AGTR1: variants seen among roughly 807,000 people sequenced by gnomAD.
AGTR1 encodes the protein type-1 angiotensin II receptor.
A neutral mutation model predicts 19.4 loss-of-function variants in AGTR1; 16 were observed. That is an observed-to-expected ratio of 0.82 (90% CI 0.56 to 1.25). AGTR1 has a LOEUF of 1.25. Among genes scored for constraint, AGTR1 ranks in the 50% most tolerant of loss-of-function variants. AGTR1 has a pLI of 0.00. For synonymous variants in AGTR1, 153 were observed against 154.9 expected, an observed-to-expected ratio of 0.99 and a Z score of 0.09; for missense variants, 373 against 431.9, an observed-to-expected ratio of 0.86 and a Z score of 1.21.
chr3:148,711,308 C>CAAAAAATT lies in AGTR1; in HGVS notation c.-48+3287_-48+3294dup. ...ACTAATGATCATGTGTTATATAAGG[C>CAAAAAATT]AAAAAATTAAAAACAAATTTGTCTT... On this transcript the variant is annotated intron_variant, in intron 2 of 2. Coordinates refer to ENST00000349243, the MANE Select transcript of AGTR1 (RefSeq NM_000685.5). Among the ~76,000 whole-genome samples the CAAAAAATT allele has an allele frequency of 2.0e-5, 3 of 151,984 alleles. No homozygotes were observed. The East Asian group carries it at 5.8e-4, about 29-fold the overall frequency.
intron 2 of AGTR1, among the ~76,000 whole-genome samples, chr3:148,720,980 G>C (rs1169597010): frequency 6.6e-6 from 1 of 152,194 alleles, no homozygotes; most frequent in African/African-American, 2.4e-5. Flanking sequence ...TGTTGGTGGT[G>C]CTATAATCCT....
At chr3:148,709,319 G>C (rs1162520770) in intron 2 of AGTR1, among the ~76,000 whole-genome samples, 1 of 152,024 alleles carries the variant, frequency 6.6e-6, no homozygotes, top group Non-Finnish European at 1.5e-5. Context: ...CCCACTAGCA[G>C]GAAAAGCAGG....
intron 2 of AGTR1, among the ~76,000 whole-genome samples, chr3:148,727,457 G>A (rs1714015718): frequency 6.6e-6 from 1 of 152,150 alleles, no homozygotes; most frequent in Admixed American, 6.5e-5. Flanking sequence ...CCACAAGAGG[G>A]CAGGGTTTGA....
intron 1 of AGTR1, among the ~76,000 whole-genome samples, chr3:148,705,633 A>G (rs1712625210): frequency 6.6e-6 from 1 of 152,106 alleles, no homozygotes; most frequent in South Asian, 2.1e-4. Flanking sequence ...ACACACAGTT[A>G]TTCCTATTCC....
chr3:148,705,449 A>C (rs1200628665), intron 1 of AGTR1, among the ~76,000 whole-genome samples: 1 of 149,690 alleles, frequency 6.7e-6, no homozygotes, highest in Non-Finnish European at 1.5e-5. Context: ...CTCCCATTCA[A>C]ATGATGTCAC....
intron 2 of AGTR1, chr3:148,740,098 T>C: frequency 1.2e-6 from 1 of 844,260 alleles, no homozygotes; most frequent in Non-Finnish European, 1.6e-6. Context: ...GAGCAAATAT[T>C]TGCATGGCTT....
intron 2 of AGTR1, among the ~76,000 whole-genome samples, chr3:148,723,204 A>C (rs938050113): frequency 1.3e-5 from 2 of 152,200 alleles, no homozygotes; most frequent in Non-Finnish European, 2.9e-5. Context: ...TCTGCAGTGA[A>C]TGTATTTAGG....
chr3:148,723,775 G>T (rs1244959649), intron 2 of AGTR1, among the ~76,000 whole-genome samples: 5 of 152,172 alleles, frequency 3.3e-5, no homozygotes, highest in Non-Finnish European at 7.3e-5. Flanking sequence ...GACTCATCCT[G>T]TCACATCTCT....
chr3:148,738,523 A>G (rs564310398), intron 2 of AGTR1, among the ~76,000 whole-genome samples: 3 of 152,196 alleles, frequency 2.0e-5, no homozygotes, highest in Non-Finnish European at 4.4e-5. Context: ...AAATGAATTT[A>G]TACTTCTAAG....
chr3:148,730,291 A>C (rs1714177115), intron 2 of AGTR1: 1 of 397,800 alleles, frequency 2.5e-6, no homozygotes, highest in Admixed American at 4.4e-5. Flanking sequence ...TGCTCTTCCC[A>C]CTGTCTTAAC....
rs12695923 is a variant in AGTR1, at chr3:148,740,123, T to C, written c.-47-866T>C. On this transcript the variant is annotated intron_variant, in intron 2 of 2. Transcript: ENST00000349243. ...TTGCATGGCTTTGTGCAGCCCATTC[T>C]TGAGCATCTGATTCTCCCCAGAATT... 0.079 allele frequency among the ~76,000 whole-genome samples: 11,966 copies of C among 152,288 alleles called. 1,600 individuals carry two copies. The highest frequency in any genetic ancestry group is 0.27 in the African/African-American group (11,376 of 41,508).
chr3:148,726,639 G>A (rs914573473), intron 2 of AGTR1, among the ~76,000 whole-genome samples: 16 of 152,052 alleles, frequency 1.1e-4, no homozygotes, highest in Admixed American at 3.3e-4. Context: ...GAGTGTTTCC[G>A]TCCGTTTTTT....
chr3:148,719,536 G>A (rs1351850711), intron 2 of AGTR1, among the ~76,000 whole-genome samples: 1 of 152,126 alleles, frequency 6.6e-6, no homozygotes, highest in Non-Finnish European at 1.5e-5. Flanking sequence ...GTACTCCAGA[G>A]GCTCCCCATG....
rs758763207 is a variant in AGTR1, at chr3:148,741,897, A to G, written c.862A>G (p.Ile288Val). 2 of 1,614,130 alleles carry G rather than the reference A, an allele frequency of 1.2e-6. No individual in the cohort carries two copies. The highest frequency in any genetic ancestry group is 2.2e-5 in the East Asian group (1 of 44,882). The change falls in exon 3 of 3, where the codon ATT becomes GTT. Residue 288 changes from isoleucine (I) to valine (V), a missense_variant. By Grantham distance (29) the Ile-to-Val change is conservative (BLOSUM62 3). Transcript: ENST00000349243. The part of the protein sequence containing the change: ...DIVDTAMPIT[I>V]CIAYFNNCLN... ...TGTGGACACGGCCATGCCTATCACC[A>G]TTTGTATAGCTTATTTTAACAATTG... is the stretch of plus-strand genomic sequence containing the variant.
intron 2 of AGTR1, among the ~76,000 whole-genome samples, chr3:148,724,295 C>A (rs186972314): frequency 2.4e-3 from 363 of 151,984 alleles, no homozygotes; most frequent in Middle Eastern, 3.4e-3. Flanking sequence ...ATATGTGAAC[C>A]CTGGAATGCA....
chr3:148,720,016 A>G (rs1713536892), intron 2 of AGTR1, among the ~76,000 whole-genome samples: 1 of 152,224 alleles, frequency 6.6e-6, no homozygotes, highest in Admixed American at 6.5e-5. Context: ...TCTGTTATTG[A>G]AGTTTTGAGA....
rs147389069 is a variant in AGTR1, at chr3:148,709,230, A to T, written c.-48+1203A>T. On this transcript the variant is annotated intron_variant, in intron 2 of 2. Transcript: ENST00000349243. ...AGTGTATTAAGATGCATATCCTAGG[A>T]TGACACAAAGACAGTATGCTTTATT... 1.8e-3 allele frequency among the ~76,000 whole-genome samples: 278 copies of T among 152,180 alleles called. 1 individual carries two copies. Among genetic ancestry groups the T allele is most frequent in the Middle Eastern group, 6.8e-3 (2 of 294 alleles).
chr3:148,715,453 G>C (rs1258016259), intron 2 of AGTR1, among the ~76,000 whole-genome samples: 2 of 152,102 alleles, frequency 1.3e-5, no homozygotes, highest in Non-Finnish European at 1.5e-5. Flanking sequence ...GAAAAGACAA[G>C]CATCTGTGAT....
intron 2 of AGTR1, among the ~76,000 whole-genome samples, chr3:148,732,429 A>G (rs910523759): frequency 1.3e-5 from 2 of 152,236 alleles, no homozygotes; most frequent in African/African-American, 2.4e-5. Context: ...GAAAGAAAAA[A>G]ACCTGTGACT....
Sources: allele counts gnomAD v4.1 joint callset (sites outside exome capture counted in the v4.1 genomes callset), GRCh38; gene constraint gnomAD v4.1.1; transcripts MANE v1.5; gene names NCBI Gene and HGNC (gene_info 2026-07-23, HGNC 2026-07-21).